The following CHEK1 variants were observed in gnomAD, a reference collection of about 807,000 sequenced individuals.
CHEK1 encodes the protein checkpoint kinase 1.
In CHEK1, 32 loss-of-function variants were observed where a neutral mutation model predicts 60.2. The observed-to-expected ratio is 0.53, with a 90% confidence interval of 0.40 to 0.71. CHEK1 has a LOEUF of 0.71. Among genes scored for constraint, CHEK1 ranks in the 30% least tolerant of loss-of-function variants. CHEK1 has a pLI of 0.00. For synonymous variants in CHEK1, 179 were observed against 187.2 expected (o/e 0.96, Z 0.36); for missense variants, 399 against 564.6 (o/e 0.71, Z 2.97).
At chr11:125,650,043 A>G (rs574746652) in intron 11 of CHEK1, among the ~76,000 whole-genome samples, 120 of 150,868 alleles carry the variant, frequency 8.0e-4, no homozygotes, top group African/African-American at 2.8e-3. Context: ...CTTGGTGTGG[A>G]TTTCTTTTTT....
chr11:125,635,660 A>C, intron 7 of CHEK1, 127 bp downstream of exon 7: 1 of 560,378 alleles, frequency 1.8e-6, no homozygotes, highest in Non-Finnish European at 3.1e-6. Flanking sequence ...TGTAGATAAA[A>C]TAGTAACTAT....
At chr11:125,679,256 T>A (rs1240647823), downstream of CHEK1, among the ~76,000 whole-genome samples, 1 of 144,582 alleles carries the variant, frequency 6.9e-6, no homozygotes, top group Non-Finnish European at 1.5e-5. Flanking sequence ...CTCGCTCTGT[T>A]GCCCAGGCTG....
In CHEK1 at chr11:125,644,717, T is replaced by C; in HGVS notation, c.1233+74T>C. 5 of 1,507,286 alleles carry C rather than the reference T, an allele frequency of 3.3e-6. No homozygotes were observed. The South Asian group carries it at 3.7e-5, about 11-fold the overall frequency. The allele number at this position is 1,507,286 out of a possible 1,614,324, so 93.4% of individuals were successfully genotyped here. A position where few individuals can be genotyped will look rare whatever the true frequency, so the allele number is the denominator to read the frequency against. ...ATATTTGAGTAAAAGCTATCATTAG[T>C]ATATTTTTTAAATATAGGCTGTGGC... On this transcript the variant is annotated intron_variant, in intron 11 of 12. Coordinates refer to ENST00000438015, the MANE Select transcript of CHEK1 (RefSeq NM_001114122.3).
At chr11:125,668,908 C>A (rs879314899) in intron 13 of CHEK1, among the ~76,000 whole-genome samples, 3 of 151,916 alleles carry the variant, frequency 2.0e-5, no homozygotes, top group Admixed American at 2.0e-4. Flanking sequence ...TTTTTAAATT[C>A]TTTTTTCCAA....
At chr11:125,678,037 C>A, downstream of CHEK1, 4 of 1,614,122 alleles carry the variant, frequency 2.5e-6, no homozygotes, top group Non-Finnish European at 3.4e-6. Flanking sequence ...TGCTCACCTT[C>A]AGCATGTTCA....
At chr11:125,645,681 A>G (rs1941475710) in intron 11 of CHEK1, among the ~76,000 whole-genome samples, 1 of 152,316 alleles carries the variant, frequency 6.6e-6, no homozygotes, top group South Asian at 2.1e-4. Context: ...TCAAAGGAGA[A>G]CAAGTGTCAA....
In CHEK1 at chr11:125,655,485, A is replaced by C; in HGVS notation, c.*165A>C. 6.1e-6 allele frequency: 3 copies of C among 491,258 alleles called. No homozygotes were observed. The highest frequency in any genetic ancestry group is 1.1e-5 in the Non-Finnish European group (3 of 280,250). The allele number at this position is 491,258 out of a possible 1,614,324, so 30.4% of individuals were successfully genotyped here. A position where few individuals can be genotyped will look rare whatever the true frequency, so the allele number is the denominator to read the frequency against. On this transcript the variant is annotated 3_prime_UTR_variant, in exon 13 of 13. Coordinates refer to ENST00000438015, the MANE Select transcript of CHEK1 (RefSeq NM_001114122.3). ...TTCCAATTTATTTTGTTTGTTCGGC[A>C]TACAAATAATACCTATATCTTAATT...
chr11:125,637,399 C>T (rs1941113483), intron 7 of CHEK1, 50 bp from the exon 8 acceptor site: 1 of 1,471,384 alleles, frequency 6.8e-7, no homozygotes, highest in Admixed American at 1.9e-5. Context: ...AAGCCATAGG[C>T]TTCTCTAACA....
rs1296754251 is a variant in CHEK1 at position 125,653,958 on chromosome 11, T to C, written c.1335+111T>C. 6.8e-6 allele frequency: 4 copies of C among 589,340 alleles called. No homozygotes were observed. Among genetic ancestry groups the C allele is most frequent in the Non-Finnish European group, 1.2e-5 (4 of 342,380 alleles). The allele number at this position is 589,340 out of a possible 1,614,324, so 36.5% of individuals were successfully genotyped here. ...ATTTGTAAATAGGTTACTTGCTTTT[T>C]TCGTTTAATATTATGAGCATGTGTT... On this transcript the variant is annotated intron_variant, in intron 12 of 12. Coordinates refer to ENST00000438015, the MANE Select transcript of CHEK1 (RefSeq NM_001114122.3). The surrounding 1 kb of genome is among the most constrained non-coding windows in gnomAD (Gnocchi z 4.3).
At chr11:125,676,196 C>T in exon 14 of CHEK1, 1 of 924,470 alleles carries the variant, frequency 1.1e-6, no homozygotes, top group Admixed American at 2.7e-5. Flanking sequence ...GTGTGAGCCA[C>T]CTCGCCTGGC....
At position 125,653,779 on chromosome 11, in the gene CHEK1, A is replaced by G; in HGVS notation, c.1267A>G (p.Lys423Glu). 6.3e-7 allele frequency: 1 copy of G among 1,596,128 alleles called. No homozygotes were observed. The highest frequency in any genetic ancestry group is 8.6e-7 in the Non-Finnish European group (1 of 1,168,984). Residue 423 changes from lysine to glutamate, a missense_variant, in exon 12 of 13, where the codon AAA becomes GAA. By Grantham distance (56) the Lys-to-Glu change is moderately conservative. Transcript: ENST00000438015. The surrounding 1 kb of genome is among the most constrained non-coding windows in gnomAD (Gnocchi z 4.3). Reference sequence around the variant, plus strand: ...ATCAACAACTGATAGGAGAAACAATAAACTCATTTTCAAAGTGAATTTGTT... The same window carrying G: ...ATCAACAACTGATAGGAGAAACAATGAACTCATTTTCAAAGTGAATTTGTT... ...TISTTDRRNN[K>E]LIFKVNLLEM...
downstream of CHEK1, among the ~76,000 whole-genome samples, chr11:125,677,282 A>G (rs1942555894): frequency 6.6e-6 from 1 of 152,234 alleles, no homozygotes; most frequent in Non-Finnish European, 1.5e-5. Flanking sequence ...CTTTTAATTA[A>G]GAGCCACAGA....
At chr11:125,633,998 G>GTTTT (rs10626345) in intron 6 of CHEK1, among the ~76,000 whole-genome samples, 58,124 of 126,738 alleles carry the variant, frequency 0.46, 14,147 homozygotes, top group East Asian at 0.6. Flanking sequence ...CTCTATTGTG[G>GTTTT]TTTTTTTTTT....
downstream of CHEK1, among the ~76,000 whole-genome samples, chr11:125,659,277 T>C (rs1030982164): frequency 6.6e-6 from 1 of 152,118 alleles, no homozygotes; most frequent in Non-Finnish European, 1.5e-5. Context: ...TCCCTCTTTA[T>C]TCCCTTTTTT....
downstream of CHEK1, chr11:125,680,804 C>G (rs957731321): frequency 6.2e-7 from 1 of 1,607,516 alleles, no homozygotes; most frequent in South Asian, 1.1e-5. Context: ...AAGAGGGGAC[C>G]CCAGTGTGGG....
At chr11:125,680,880 T>C (rs886297765), downstream of CHEK1, 18 of 957,744 alleles carry the variant, frequency 1.9e-5, 1 homozygote, top group Admixed American at 3.5e-4. Flanking sequence ...GAAGCAGAGC[T>C]TCTGGGAATT....
downstream of CHEK1, chr11:125,676,594 T>G: frequency 7.7e-7 from 1 of 1,292,858 alleles, no homozygotes; most frequent in South Asian, 1.4e-5. Context: ...CATTTATTTC[T>G]TAGTTCTTTT....
rs113669137 is a variant in CHEK1, at chr11:125,672,869, A to C, written c.*28-3059A>C. 10 of 995,478 alleles carry C rather than the reference A, an allele frequency of 1.0e-5. No individual in the cohort carries two copies. The African/African-American group carries it at 1.3e-4, about 13-fold the overall frequency. The allele number at this position is 995,478 out of a possible 1,614,324, so 61.7% of individuals were successfully genotyped here. A position where few individuals can be genotyped will look rare whatever the true frequency, so the allele number is the denominator to read the frequency against. On this transcript the variant is annotated intron_variant, in intron 13 of 13. Coordinates refer to the CHEK1 transcript ENST00000428830. The stretch of plus-strand genomic sequence containing the variant: ...TCTCTTCTATTTGCTTCCTCTGGGA[A>C]CTTGCCCCCCATCAGTTGCCCACTC...
intron 10 of CHEK1, 47 bp downstream of exon 10, chr11:125,644,315 T>C (rs202139080): frequency 3.9e-5 from 60 of 1,556,378 alleles, no homozygotes; most frequent in Non-Finnish European, 5.0e-5. Flanking sequence ...CTTTATTTTT[T>C]ATTGTCTTAA....
Sources: allele counts gnomAD v4.1 joint callset (sites outside exome capture counted in the v4.1 genomes callset), GRCh38; gene constraint gnomAD v4.1.1; non-coding constraint Gnocchi (gnomAD v3.1); transcripts MANE v1.5; gene names NCBI Gene and HGNC (gene_info 2026-07-23, HGNC 2026-07-21).